Variants in FOCAD observed in about 807,000 individuals in gnomAD.
FOCAD encodes KIAA1797.
A neutral mutation model predicts 225.6 loss-of-function variants in FOCAD; 198 were observed. The observed-to-expected ratio is 0.88, with a 90% CI of 0.78 to 0.99. FOCAD has a LOEUF of 0.99. Ranked by LOEUF, FOCAD falls within the 50% of genes least tolerant of loss-of-function variation. FOCAD has a pLI of 0.00. For missense variants in FOCAD, 2,713 were observed against 2,123.6 expected, an observed-to-expected ratio of 1.28 and a Z score of -5.46; for synonymous variants, 897 against 755.0, an observed-to-expected ratio of 1.19 and a Z score of -3.08.
chr9:20,881,155 T>C (rs1168371838), intron 19 of FOCAD, among the ~76,000 whole-genome samples: 1 of 152,208 alleles, frequency 6.6e-6, no homozygotes, highest in Admixed American at 6.5e-5. Context: ...CTGAAAACAC[T>C]TAAATGATAA....
At chr9:20,710,378 C>A (rs1302462427) in intron 1 of FOCAD, among the ~76,000 whole-genome samples, 1 of 151,718 alleles carries the variant, frequency 6.6e-6, no homozygotes, top group Non-Finnish European at 1.5e-5. Context: ...GGCAGATCAC[C>A]TGAGGTCAGG....
At chr9:20,720,661 G>A (rs1427329683) in intron 4 of FOCAD, 127 bp downstream of exon 4, 24 of 885,450 alleles carry the variant, frequency 2.7e-5, no homozygotes, top group Non-Finnish European at 4.0e-5. Flanking sequence ...AAAATGTCAT[G>A]AGTTGCTGTT....
chr9:20,691,776 G>A (rs1049539638), intron 1 of FOCAD, among the ~76,000 whole-genome samples: 16 of 142,282 alleles, frequency 1.1e-4, no homozygotes, highest in Non-Finnish European at 2.0e-4. Context: ...CACCAAGCCC[G>A]GCCAATTTAT....
chr9:20,855,130 T>C (rs1189430751), intron 15 of FOCAD, among the ~76,000 whole-genome samples: 1 of 151,776 alleles, frequency 6.6e-6, no homozygotes. Context: ...TTGAGTTATA[T>C]GGTAAAAATT....
At chr9:20,951,194 C>CAT in intron 34 of FOCAD, 96 bp downstream of exon 34, 1 of 894,382 alleles carries the variant, frequency 1.1e-6, no homozygotes, top group Non-Finnish European at 1.8e-6. Context: ...CACAACAACC[C>CAT]TAAGTAATGG....
At chr9:20,832,677 C>T (rs188140039) in intron 15 of FOCAD, among the ~76,000 whole-genome samples, 1 of 151,992 alleles carries the variant, frequency 6.6e-6, no homozygotes, top group East Asian at 1.9e-4. Flanking sequence ...ACTAACCATC[C>T]CTGCCTCCCT....
intron 28 of FOCAD, among the ~76,000 whole-genome samples, chr9:20,937,157 G>A (rs1445413861): frequency 4.0e-5 from 6 of 149,866 alleles, no homozygotes; most frequent in East Asian, 1.9e-4. Flanking sequence ...TACTGCCCAA[G>A]GTAATTTACA....
At chr9:20,821,369 A>G (rs1824305923) in intron 14 of FOCAD, among the ~76,000 whole-genome samples, 2 of 152,030 alleles carry the variant, frequency 1.3e-5, no homozygotes, top group South Asian at 4.1e-4. Flanking sequence ...ATTTTTCTGT[A>G]TATGAATCCC....
chr9:20,749,144 A>T (rs776542630), intron 5 of FOCAD, among the ~76,000 whole-genome samples: 1 of 152,108 alleles, frequency 6.6e-6, no homozygotes, highest in Admixed American at 6.6e-5. Context: ...GACTTCTGAC[A>T]TTGGCAGGCA....
intron 24 of FOCAD, among the ~76,000 whole-genome samples, 167 bp downstream of exon 24, chr9:20,917,104 C>A (rs1224414521): frequency 6.6e-6 from 1 of 151,830 alleles, no homozygotes; most frequent in Non-Finnish European, 1.5e-5. Flanking sequence ...TAGGTGAATT[C>A]TTACTACATG....
intron 10 of FOCAD, among the ~76,000 whole-genome samples, chr9:20,788,018 G>T (rs998419044): frequency 6.6e-6 from 1 of 152,130 alleles, no homozygotes; most frequent in East Asian, 1.9e-4. Context: ...AAATTTATAG[G>T]AGTGTTCATA....
At chr9:20,759,135 A>G (rs540635652) in intron 6 of FOCAD, among the ~76,000 whole-genome samples, 24 of 152,344 alleles carry the variant, frequency 1.6e-4, no homozygotes, top group East Asian at 1.3e-3. Flanking sequence ...AACAAATGGA[A>G]GAACATTCCA....
chr9:20,698,783 A>G (rs1292285456), intron 1 of FOCAD, among the ~76,000 whole-genome samples: 4 of 152,212 alleles, frequency 2.6e-5, no homozygotes, highest in Non-Finnish European at 5.9e-5. Context: ...GTTATTTTCA[A>G]TTACTGATCA....
chr9:20,806,361 C>T (rs1022178348), intron 11 of FOCAD, among the ~76,000 whole-genome samples: 4 of 152,084 alleles, frequency 2.6e-5, no homozygotes, highest in Admixed American at 6.6e-5. Context: ...AAAATTATAC[C>T]TGCATGCTTT....
At chr9:20,661,078 G>C (rs186356858) in intron 2 of FOCAD, among the ~76,000 whole-genome samples, 1 of 152,298 alleles carries the variant, frequency 6.6e-6, no homozygotes, top group Non-Finnish European at 1.5e-5. Flanking sequence ...AGAATTAAGA[G>C]CACAGCTGGA....
chr9:20,933,986 G>A (rs970464844), intron 28 of FOCAD, among the ~76,000 whole-genome samples: 1 of 151,876 alleles, frequency 6.6e-6, no homozygotes, highest in Non-Finnish European at 1.5e-5. Context: ...TTATACATTT[G>A]TTGGTCATTT....
At chr9:20,666,045 C>T (rs1245217686) in intron 2 of FOCAD, among the ~76,000 whole-genome samples, 1 of 152,116 alleles carries the variant, frequency 6.6e-6, no homozygotes, top group African/African-American at 2.4e-5. Context: ...CAGGCACCCG[C>T]CACCACGCCC....
intron 39 of FOCAD, among the ~76,000 whole-genome samples, chr9:20,983,983 C>T (rs1246172844): frequency 6.6e-6 from 1 of 152,136 alleles, no homozygotes; most frequent in Non-Finnish European, 1.5e-5. Flanking sequence ...GTACCTAGAG[C>T]TGAAGGTTGC....
At chr9:20,790,106 C>T (rs577867669) in intron 11 of FOCAD, among the ~76,000 whole-genome samples, 1 of 152,098 alleles carries the variant, frequency 6.6e-6, no homozygotes, top group Non-Finnish European at 1.5e-5. Context: ...ATATATGGTA[C>T]GGATCTGCAT....
Sources: allele counts gnomAD v4.1 joint callset (sites outside exome capture counted in the v4.1 genomes callset), GRCh38; gene constraint gnomAD v4.1.1; transcripts MANE v1.5; gene names NCBI Gene and HGNC (gene_info 2026-07-23, HGNC 2026-07-21).